SNX18: variants seen among roughly 807,000 people sequenced by gnomAD.
The protein encoded by SNX18 is sorting nexin 18, also known as sorting nexin-18.
Under a neutral mutation model 48.7 loss-of-function variants are expected in SNX18, and 35 were observed. The observed-to-expected ratio is 0.72, with a 90% CI of 0.55 to 0.95. SNX18 has a LOEUF of 0.95. SNX18 is among the 40% of genes least tolerant of loss of function. The probability of loss-of-function intolerance (pLI) is 0.00; values close to 1 mark genes in which losing one functional copy is unlikely to be tolerated. For missense variants in SNX18, 824 were observed against 871.0 expected, an observed-to-expected ratio of 0.95 and a Z score of 0.68; for synonymous variants, 492 against 384.7, an observed-to-expected ratio of 1.28 and a Z score of -3.26.
the SNX18 span, among the ~76,000 whole-genome samples, chr5:54,572,774 A>T: frequency 1.3e-4 from 5 of 38,438 alleles, no homozygotes; most frequent in South Asian, 1.1e-3. Context: ...ATATATATAT[A>T]TTTTTTTTTT....
Position 54,527,362 on chromosome 5 carries a change from G to C in SNX18, c.1621+7789G>C, listed in dbSNP as rs879616332. ...CAGAGGTGGTGGTCGGGGAGCCGGGGGGGGGGGTCCCCCTCCAGCTATATT... is the reference window on the plus strand; with the variant it reads ...CAGAGGTGGTGGTCGGGGAGCCGGGCGGGGGGGTCCCCCTCCAGCTATATT... On this transcript the variant is annotated intron_variant, in intron 1 of 1. Transcript: ENST00000381410. Among the ~76,000 whole-genome samples, 232 of 151,978 alleles carry C rather than the reference G, an allele frequency of 1.5e-3. 2 individuals are homozygous for C. Among genetic ancestry groups the C allele is most frequent in the South Asian group, 5.6e-3 (27 of 4,808 alleles).
At chr5:54,541,690 T>A (rs1762473880) in intron 1 of SNX18, among the ~76,000 whole-genome samples, 1 of 152,088 alleles carries the variant, frequency 6.6e-6, no homozygotes, top group Non-Finnish European at 1.5e-5. Flanking sequence ...CACTTAAAGG[T>A]CTCATTTAGA....
the SNX18 span, among the ~76,000 whole-genome samples, chr5:54,617,392 C>G: frequency 0.066 from 9,975 of 152,258 alleles, 428 homozygotes; most frequent in East Asian, 0.18. Flanking sequence ...CTTTTTACTA[C>G]TCTATAGAAA....
chr5:54,521,497 C>A (rs147546344), intron 1 of SNX18, among the ~76,000 whole-genome samples: 1 of 151,982 alleles, frequency 6.6e-6, no homozygotes, highest in African/African-American at 2.4e-5. Context: ...GCCAGGAGTT[C>A]GAGACCAGCC....
At chr5:54,563,522 A>C in the SNX18 span, among the ~76,000 whole-genome samples, 4 of 152,224 alleles carry the variant, frequency 2.6e-5, no homozygotes, top group African/African-American at 9.6e-5. Context: ...GCAGTAGACT[A>C]TTCTGTCATA....
At chr5:54,640,403 A>T in the SNX18 span, among the ~76,000 whole-genome samples, 17 of 16,326 alleles carry the variant, frequency 1.0e-3, no homozygotes, top group African/African-American at 3.4e-3. Context: ...CTTTTTTTTA[A>T]AAAAAAGATG....
At chr5:54,580,346 T>G in the SNX18 span, among the ~76,000 whole-genome samples, 1 of 152,230 alleles carries the variant, frequency 6.6e-6, no homozygotes, top group Non-Finnish European at 1.5e-5. Context: ...CTTAGGGTAC[T>G]TTTTAAAAAG....
the SNX18 span, among the ~76,000 whole-genome samples, chr5:54,602,378 G>A: frequency 6.6e-6 from 1 of 152,200 alleles, no homozygotes; most frequent in Non-Finnish European, 1.5e-5. Flanking sequence ...CAGGCTTTTG[G>A]AGCCTGCAAA....
At chr5:54,614,032 C>T in the SNX18 span, among the ~76,000 whole-genome samples, 1 of 152,174 alleles carries the variant, frequency 6.6e-6, no homozygotes. Context: ...TGAAGGGCTG[C>T]ATGAGATAAG....
At chr5:54,520,390 T>C (rs1762000586) in intron 1 of SNX18, 1 of 169,204 alleles carries the variant, frequency 5.9e-6, no homozygotes, top group Non-Finnish European at 1.4e-5. Flanking sequence ...ATAGCAGTAG[T>C]GCTTGTCTTA....
chr5:54,520,816 G>C (rs959479850), intron 1 of SNX18: 6 of 167,062 alleles, frequency 3.6e-5, no homozygotes, highest in African/African-American at 1.4e-4. Flanking sequence ...GGGCTTGCTG[G>C]GAGAATGATC....
the SNX18 span, among the ~76,000 whole-genome samples, chr5:54,612,055 C>A: frequency 6.6e-6 from 1 of 151,896 alleles, no homozygotes; most frequent in Non-Finnish European, 1.5e-5. Flanking sequence ...TTTTTAAATT[C>A]TTTAATGTAG....
At chr5:54,562,132 C>T in the SNX18 span, among the ~76,000 whole-genome samples, 2 of 152,148 alleles carry the variant, frequency 1.3e-5, no homozygotes, top group Non-Finnish European at 2.9e-5. Context: ...CCTTCGTTAG[C>T]TCTTTCAAAC....
chr5:54,609,095 CCTT>C, the SNX18 span, among the ~76,000 whole-genome samples: 1 of 152,180 alleles, frequency 6.6e-6, no homozygotes, highest in Admixed American at 6.5e-5. Context: ...GGTCTTGACA[CCTT>C]CTCACAGTCC....
chr5:54,614,762 G>A, the SNX18 span, among the ~76,000 whole-genome samples: 2 of 152,142 alleles, frequency 1.3e-5, no homozygotes, highest in African/African-American at 2.4e-5. Context: ...AAGTTGCAGT[G>A]AGCCAAGATC....
At chr5:54,586,093 C>T in the SNX18 span, among the ~76,000 whole-genome samples, 4 of 152,108 alleles carry the variant, frequency 2.6e-5, no homozygotes, top group Non-Finnish European at 5.9e-5. Flanking sequence ...AGTCTAACCC[C>T]TGTGGAAAGA....
At chr5:54,576,543 G>A in the SNX18 span, among the ~76,000 whole-genome samples, 7 of 152,168 alleles carry the variant, frequency 4.6e-5, no homozygotes, top group Non-Finnish European at 1.0e-4. Context: ...TTGCCCTAAC[G>A]GCACTGGTGG....
the SNX18 span, among the ~76,000 whole-genome samples, chr5:54,571,661 TC>T: frequency 1.3e-5 from 2 of 152,220 alleles, no homozygotes; most frequent in African/African-American, 4.8e-5. Context: ...TTTCCCCTTT[TC>T]TCTTGGTGTG....
At chr5:54,570,637 G>A in the SNX18 span, among the ~76,000 whole-genome samples, 37 of 152,274 alleles carry the variant, frequency 2.4e-4, 1 homozygote, top group African/African-American at 8.7e-4. Context: ...ACAGAGCCTA[G>A]CACAGTTATG....
Sources: gnomAD v4.1 joint callset for allele counts (sites outside exome capture counted in the v4.1 genomes callset) on GRCh38, gnomAD v4.1.1 for gene constraint, MANE v1.5 for transcripts, NCBI Gene and HGNC (gene_info 2026-07-23, HGNC 2026-07-21) for gene names.